RNFT2: variants seen among roughly 807,000 people sequenced by gnomAD.
RNFT2 encodes the protein ring finger protein, transmembrane 2, also known as E3 ubiquitin-protein ligase RNFT2.
In RNFT2, 36 loss-of-function variants were observed where a neutral mutation model predicts 53.0. That is an observed-to-expected ratio of 0.68 (90% CI 0.52 to 0.90). The LOEUF (loss-of-function observed/expected upper bound fraction) is 0.90, where lower values mean the gene tolerates loss of function less well. RNFT2 is among the 40% of genes least tolerant of loss of function. RNFT2 has a pLI of 0.00. For missense variants in RNFT2, 514 were observed against 585.6 expected (o/e 0.88, Z 1.26); for synonymous variants, 260 against 253.2 (o/e 1.03, Z -0.26).
At chr12:116,824,409 C>T (rs1022867798) in intron 7 of RNFT2, among the ~76,000 whole-genome samples, 1 of 152,100 alleles carries the variant, frequency 6.6e-6, no homozygotes, top group African/African-American at 2.4e-5. Flanking sequence ...GCAAAGAATC[C>T]AAAATAATAA....
At chr12:116,801,508 T>C (rs899218087) in intron 7 of RNFT2, 1 of 152,212 alleles carries the variant, frequency 6.6e-6, no homozygotes, top group Non-Finnish European at 1.5e-5. Context: ...ATTAACCTCA[T>C]TGAGCCCCAG....
intron 5 of RNFT2, 49 bp downstream of exon 5, chr12:116,754,109 C>A: frequency 1.4e-6 from 2 of 1,479,018 alleles, no homozygotes; most frequent in Non-Finnish European, 9.4e-7. Flanking sequence ...AACAAATAAG[C>A]CACAAGCCAG....
intron 7 of RNFT2, among the ~76,000 whole-genome samples, chr12:116,828,535 C>T (rs952947350): frequency 6.6e-6 from 1 of 152,168 alleles, no homozygotes; most frequent in African/African-American, 2.4e-5. Flanking sequence ...TGGTCTTCCT[C>T]ATTGGGTAGC....
chr12:116,801,213 A>G (rs2137151116), intron 7 of RNFT2: 1 of 152,358 alleles, frequency 6.6e-6, no homozygotes, highest in South Asian at 2.1e-4. Flanking sequence ...TGCAGCTGTT[A>G]TTGAAGATGT....
chr12:116,747,355 C>G (rs908737106), intron 3 of RNFT2, among the ~76,000 whole-genome samples: 7 of 152,134 alleles, frequency 4.6e-5, no homozygotes, highest in African/African-American at 1.4e-4. Context: ...CATGGCTGGT[C>G]TTTTATATAT....
intron 7 of RNFT2, among the ~76,000 whole-genome samples, chr12:116,802,820 C>T (rs372259920): frequency 4.7e-4 from 72 of 152,126 alleles, no homozygotes; most frequent in Middle Eastern, 3.4e-3. Context: ...GTGGGCCTGG[C>T]GCAGTGGCTC....
chr12:116,809,658 G>A (rs549336719), intron 7 of RNFT2, among the ~76,000 whole-genome samples: 6 of 152,082 alleles, frequency 3.9e-5, no homozygotes, highest in South Asian at 2.1e-4. Context: ...TTCACAGACC[G>A]GTAGACCCAG....
chr12:116,835,600 A>G (rs1876916033), intron 8 of RNFT2, among the ~76,000 whole-genome samples: 1 of 152,126 alleles, frequency 6.6e-6, no homozygotes, highest in South Asian at 2.1e-4. Context: ...GGTTCTGATC[A>G]ACACAGTGGC....
chr12:116,781,676 A>G (rs980848332), intron 7 of RNFT2, among the ~76,000 whole-genome samples: 3 of 151,952 alleles, frequency 2.0e-5, no homozygotes, highest in African/African-American at 7.3e-5. Context: ...GGACCCTGTG[A>G]TGACACTGGC....
At position 116,842,638 on chromosome 12, in the gene RNFT2, G is replaced by A. The variant is rs1877410208; in HGVS notation, c.1200+6356G>A. On this transcript the variant is annotated intron_variant, in intron 10 of 10. Transcript: ENST00000257575. ...ACCCAGGCTAGAGTGCAGTGGCATGGTCTTGGCTCACTGCAACCTCTGCCT... is the reference window on the plus strand; with the variant it reads ...ACCCAGGCTAGAGTGCAGTGGCATGATCTTGGCTCACTGCAACCTCTGCCT... Among the ~76,000 whole-genome samples, 6 of 151,978 alleles carry A rather than the reference G, an allele frequency of 3.9e-5. No individual in the cohort carries two copies. In the South Asian group the frequency reaches 1.2e-3, roughly 32 times the overall value.
chr12:116,839,469 A>C (rs1200700847), intron 10 of RNFT2, among the ~76,000 whole-genome samples: 1 of 145,580 alleles, frequency 6.9e-6, no homozygotes, highest in African/African-American at 2.6e-5. Flanking sequence ...GGATGAATGG[A>C]AGTGAATGAT....
At chr12:116,764,107 G>T (rs1335010444) in intron 5 of RNFT2, among the ~76,000 whole-genome samples, 1 of 152,158 alleles carries the variant, frequency 6.6e-6, no homozygotes, top group African/African-American at 2.4e-5. Context: ...GGAATGAAAA[G>T]CTAAACCTTT....
Position 116,789,748 on chromosome 12 carries a change from G to A in RNFT2, c.882+10400G>A, listed in dbSNP as rs989232428. Among the ~76,000 whole-genome samples the A allele has an allele frequency of 3.8e-4, 57 of 148,314 alleles. 1 individual carries two copies. Among genetic ancestry groups the A allele is most frequent in the Non-Finnish European group, 5.9e-5 (4 of 67,284 alleles). ...AGATGGATGGATGGATGGGTGGATG[G>A]GTAAATGGGAGGAGAGTGGATGGAT... On this transcript the variant is annotated intron_variant, in intron 7 of 10. Transcript: ENST00000257575.
At chr12:116,804,553 A>G (rs1026547268) in intron 7 of RNFT2, among the ~76,000 whole-genome samples, 1 of 152,194 alleles carries the variant, frequency 6.6e-6, no homozygotes, top group African/African-American at 2.4e-5. Flanking sequence ...CATTATGTAT[A>G]TTACAGTAAT....
intron 6 of RNFT2, among the ~76,000 whole-genome samples, chr12:116,772,915 G>T (rs773823509): frequency 6.6e-6 from 1 of 151,946 alleles, no homozygotes; most frequent in East Asian, 1.9e-4. Context: ...TGTAACCTCC[G>T]TCTCCTGGGT....
At chr12:116,744,429 T>A (rs1871801390) in intron 3 of RNFT2, among the ~76,000 whole-genome samples, 1 of 152,146 alleles carries the variant, frequency 6.6e-6, no homozygotes, top group South Asian at 2.1e-4. Context: ...TGAGTGCTTA[T>A]GCTGTGCCAA....
chr12:116,841,768 TATATATATATAAATATATATATATAA>T (rs1289567278), intron 10 of RNFT2, among the ~76,000 whole-genome samples: 61 of 96,700 alleles, frequency 6.3e-4, no homozygotes, highest in South Asian at 1.2e-3. Context: ...TAAATATAAA[TATATATATATAAATATATATATATAA>T]ATATATATAT....
At position 116,740,369 on chromosome 12, in the gene RNFT2, C is replaced by G; in HGVS notation, c.-129C>G. 1 of 876,070 alleles carries G rather than the reference C, an allele frequency of 1.1e-6. No homozygotes were observed. The highest frequency in any genetic ancestry group is 1.8e-6 in the Non-Finnish European group (1 of 545,338). 54.3% of individuals were successfully genotyped at this position (876,070 alleles called of 1,614,324 possible). A position where few individuals can be genotyped will look rare whatever the true frequency, so the allele number is the denominator to read the frequency against. ...GGTTTGGAGTCTCTGGCAAGCTCCC[C>G]TGACTGTGCATCCCTCTGGAGACGA... On this transcript the variant is annotated 5_prime_UTR_variant, in exon 2 of 11. Coordinates refer to ENST00000257575, the MANE Select transcript of RNFT2 (RefSeq NM_001382266.1).
chr12:116,832,130 CAA>C lies in RNFT2; in HGVS notation c.883-1644_883-1643del, dbSNP rs138431200. 2.8e-3 allele frequency among the ~76,000 whole-genome samples: 269 copies of C among 95,306 alleles called. 2 individuals are homozygous for C. Among genetic ancestry groups the C allele is most frequent in the East Asian group, 0.017 (56 of 3,324 alleles). 62.5% of individuals were successfully genotyped at this position (95,306 alleles called of 152,430 possible). ...TGGGCAACATAGCAAGACCTTGTCT[CAA>C]AAAAAAAAAAAAAAAAATATATATA... is the stretch of plus-strand genomic sequence containing the variant. On this transcript the variant is annotated intron_variant, in intron 7 of 10. Transcript: ENST00000257575.
Sources: allele counts gnomAD v4.1 joint callset (sites outside exome capture counted in the v4.1 genomes callset), GRCh38; gene constraint gnomAD v4.1.1; transcripts MANE v1.5; gene names NCBI Gene and HGNC (gene_info 2026-07-23, HGNC 2026-07-21).